The following YAF2 variants were observed in gnomAD, a reference collection of about 807,000 sequenced individuals.
YAF2 encodes the protein YY1 associated factor 2.
In YAF2, 7 loss-of-function variants were observed where a neutral mutation model predicts 20.1. The observed-to-expected ratio is 0.35, with a 90% CI of 0.20 to 0.65. The LOEUF (loss-of-function observed/expected upper bound fraction) is 0.65. Among genes scored for constraint, YAF2 ranks in the 30% least tolerant of loss-of-function variants. YAF2 has a pLI of 0.69. For missense variants in YAF2, 151 were observed against 219.2 expected, an observed-to-expected ratio of 0.69 and a Z score of 1.96; for synonymous variants, 74 against 76.0, an observed-to-expected ratio of 0.97 and a Z score of 0.14.
At chr12:42,207,690 A>G (rs986970998) in intron 2 of YAF2, among the ~76,000 whole-genome samples, 2 of 151,778 alleles carry the variant, frequency 1.3e-5, no homozygotes, top group Non-Finnish European at 2.9e-5. Flanking sequence ...CAGGCGATCA[A>G]GACCATCCTG....
At chr12:42,208,716 G>T (rs2067122076) in intron 2 of YAF2, among the ~76,000 whole-genome samples, 1 of 152,064 alleles carries the variant, frequency 6.6e-6, no homozygotes, top group Non-Finnish European at 1.5e-5. Context: ...TGATAAAAGG[G>T]GTAAGACTTG....
rs1009699407 is a variant in YAF2 at position 42,157,581 on chromosome 12, C to G, written c.*3008G>C. 7.2e-5 allele frequency: 11 copies of G among 152,164 alleles called. No individual in the cohort carries two copies. The highest frequency in any genetic ancestry group is 5.9e-4 in the Admixed American group (9 of 15,280). The allele number at this position is 152,164 out of a possible 1,614,324, so 9.4% of individuals were successfully genotyped here. A position where few individuals can be genotyped will look rare whatever the true frequency, so the allele number is the denominator to read the frequency against. ...TCTTTCAGTCTATAAGGATCTTTAT[C>G]TAAAAGTTAATAAACATGCTATCAA... On this transcript the variant is annotated 3_prime_UTR_variant, in exon 4 of 4. Transcript: ENST00000534854.
At chr12:42,190,648 T>G (rs534354031) in intron 2 of YAF2, among the ~76,000 whole-genome samples, 1 of 152,286 alleles carries the variant, frequency 6.6e-6, no homozygotes, top group East Asian at 1.9e-4. Flanking sequence ...AGAAATAATT[T>G]TATTTGTATC....
chr12:42,196,820 G>A (rs1165467359), intron 2 of YAF2, among the ~76,000 whole-genome samples: 5 of 152,116 alleles, frequency 3.3e-5, no homozygotes, highest in Non-Finnish European at 4.4e-5. Flanking sequence ...ACATTGAAGG[G>A]TCTAAACAAA....
intron 2 of YAF2, among the ~76,000 whole-genome samples, chr12:42,166,589 T>C (rs1271864545): frequency 2.0e-5 from 3 of 152,214 alleles, no homozygotes; most frequent in Non-Finnish European, 2.9e-5. Flanking sequence ...GAAATATTTG[T>C]TCACTTATCA....
intron 2 of YAF2, chr12:42,210,936 C>T (rs1410288746): frequency 4.2e-6 from 1 of 240,052 alleles, no homozygotes; most frequent in East Asian, 8.6e-5. Flanking sequence ...AGCCACCAGG[C>T]TATTTCATTT....
rs191834635 is a variant in YAF2 at position 42,208,835 on chromosome 12, T to C, written c.152+28764A>G. ...CTATGCAGGTAAGAACAAACAAAAG[T>C]TTCAAACTGAAGAAATTAAGGCTAG... On this transcript the variant is annotated intron_variant, in intron 2 of 3. Transcript: ENST00000534854. Among the ~76,000 whole-genome samples, 539 of 152,106 alleles carry C rather than the reference T, an allele frequency of 3.5e-3. 3 individuals carry two copies. Among genetic ancestry groups the C allele is most frequent in the Non-Finnish European group, 6.0e-3 (406 of 67,984 alleles).
chr12:42,180,295 T>A (rs901129645), intron 2 of YAF2, among the ~76,000 whole-genome samples: 6 of 152,280 alleles, frequency 3.9e-5, no homozygotes, highest in Admixed American at 6.5e-5. Flanking sequence ...CTTGTTGTGA[T>A]CTCCCCTAAC....
chr12:42,160,536 T>C lies in YAF2; in HGVS notation c.*53A>G. ...AAATGTGGTACCTCTTGGCATAATC[T>C]GTGTATTTGCATGGTAGGACAGAAG... On this transcript the variant is annotated 3_prime_UTR_variant, in exon 4 of 4. Coordinates refer to ENST00000534854, the MANE Select transcript of YAF2 (RefSeq NM_005748.6). The C allele has an allele frequency of 7.3e-7, 1 of 1,364,474 alleles. No individual in the cohort carries two copies. The highest frequency in any genetic ancestry group is 1.0e-6 in the Non-Finnish European group (1 of 968,168). 84.5% of individuals were successfully genotyped at this position (1,364,474 alleles called of 1,614,324 possible). A position where few individuals can be genotyped will look rare whatever the true frequency, so the allele number is the denominator to read the frequency against.
At chr12:42,220,045 G>A (rs2067470053) in intron 2 of YAF2, among the ~76,000 whole-genome samples, 1 of 152,196 alleles carries the variant, frequency 6.6e-6, no homozygotes, top group African/African-American at 2.4e-5. Context: ...ACTTCTCAGA[G>A]ACTAACTTAG....
chr12:42,195,758 G>C (rs898268676), intron 2 of YAF2, among the ~76,000 whole-genome samples: 5 of 152,190 alleles, frequency 3.3e-5, no homozygotes, highest in Admixed American at 3.3e-4. Context: ...GGTGTGTTGA[G>C]ACTGGGTTAA....
At chr12:42,217,340 C>T (rs544999684) in intron 2 of YAF2, among the ~76,000 whole-genome samples, 3 of 152,234 alleles carry the variant, frequency 2.0e-5, no homozygotes, top group African/African-American at 7.2e-5. Context: ...GATAATACAG[C>T]TTTGCAACTA....
At chr12:42,210,375 T>C (rs1418377819) in intron 2 of YAF2, 5 of 1,530,280 alleles carry the variant, frequency 3.3e-6, no homozygotes, top group South Asian at 1.2e-5. Context: ...AGTTATCCTA[T>C]TGGGTCTTTT....
intron 2 of YAF2, among the ~76,000 whole-genome samples, chr12:42,165,741 G>T (rs1413933191): frequency 6.7e-6 from 1 of 148,592 alleles, no homozygotes; most frequent in Non-Finnish European, 1.5e-5. Context: ...AAAGTGCTGG[G>T]ATTACAGATG....
chr12:42,198,584 TCAAAA>T lies in YAF2; in HGVS notation c.153-36824_153-36820del, dbSNP rs1480204425. On this transcript the variant is annotated intron_variant, in intron 2 of 3. Transcript: ENST00000534854. Reference sequence around the variant, plus strand: ...CTGGGCAATACAGCGAGACCCTGTTTCAAAACAAAACAAAAGTTTATCAGAATGAA... The same window carrying T: ...CTGGGCAATACAGCGAGACCCTGTTTCAAAACAAAAGTTTATCAGAATGAA... 3.9e-5 allele frequency among the ~76,000 whole-genome samples: 6 copies of T among 152,150 alleles called. No homozygotes were observed. In the East Asian group the frequency reaches 1.2e-3, roughly 29 times the overall value.
intron 2 of YAF2, among the ~76,000 whole-genome samples, chr12:42,230,436 A>G (rs543033840): frequency 6.6e-6 from 1 of 152,300 alleles, no homozygotes; most frequent in East Asian, 1.9e-4. Flanking sequence ...ACACTATCCT[A>G]AGGATCTCAG....
chr12:42,163,171 A>G (rs542147367), intron 2 of YAF2, among the ~76,000 whole-genome samples: 2 of 152,302 alleles, frequency 1.3e-5, no homozygotes, highest in South Asian at 4.1e-4. Flanking sequence ...CACTTTAAAA[A>G]AAAGCTTGAG....
intron 2 of YAF2, among the ~76,000 whole-genome samples, chr12:42,228,128 C>A (rs1410807742): frequency 4.0e-5 from 3 of 74,800 alleles, no homozygotes; most frequent in Non-Finnish European, 7.5e-5. Context: ...CGGCCAGCCG[C>A]CCCGTCCGGG....
intron 2 of YAF2, among the ~76,000 whole-genome samples, chr12:42,230,115 G>A (rs1428831532): frequency 6.6e-6 from 1 of 152,088 alleles, no homozygotes; most frequent in Admixed American, 6.6e-5. Context: ...AAATTAGCTA[G>A]GTATGGTGGC....
Sources: gnomAD v4.1 joint callset for allele counts (sites outside exome capture counted in the v4.1 genomes callset) on GRCh38, gnomAD v4.1.1 for gene constraint, MANE v1.5 for transcripts, NCBI Gene and HGNC (gene_info 2026-07-23, HGNC 2026-07-21) for gene names.